C16orf96: variants seen among roughly 807,000 people sequenced by gnomAD.
The protein encoded by C16orf96 is chromosome 16 open reading frame 96, also known as uncharacterized protein C16orf96.
In C16orf96, 108 loss-of-function variants were observed where a neutral mutation model predicts 103.6. That is an observed-to-expected ratio of 1.04 (90% confidence interval 0.89 to 1.22). The LOEUF (loss-of-function observed/expected upper bound fraction) is 1.22. Among genes scored for constraint, C16orf96 ranks in the 50% most tolerant of loss-of-function variants. The pLI, the probability that C16orf96 is intolerant of heterozygous loss-of-function variation, is 0.00. For missense variants in C16orf96, 1,586 were observed against 1,464.2 expected (o/e 1.08, Z -1.36); for synonymous variants, 566 against 593.5 (o/e 0.95, Z 0.67).
the C16orf96 span, among the ~76,000 whole-genome samples, chr16:4,550,127 C>A: frequency 6.6e-6 from 1 of 151,512 alleles, no homozygotes; most frequent in African/African-American, 2.4e-5. Flanking sequence ...TCTTGTTGCC[C>A]CCGCTGGAGT....
chr16:4,538,915 A>C, the C16orf96 span: 1 of 152,300 alleles, frequency 6.6e-6, no homozygotes, highest in Non-Finnish European at 1.5e-5. Context: ...GGGGCTGAGC[A>C]CGTGGGATGG....
intron 2 of C16orf96, among the ~76,000 whole-genome samples, 197 bp from the exon 3 acceptor site, chr16:4,574,512 G>A (rs1284986102): frequency 6.6e-6 from 1 of 152,192 alleles, no homozygotes; most frequent in Non-Finnish European, 1.5e-5. Flanking sequence ...ATGAGACACT[G>A]TGCCCGGCCT....
At chr16:4,579,846 G>A (rs1004313265) in intron 6 of C16orf96, among the ~76,000 whole-genome samples, 169 bp from the exon 7 acceptor site, 1 of 152,106 alleles carries the variant, frequency 6.6e-6, no homozygotes, top group Middle Eastern at 3.4e-3. Context: ...CCTGACCTCA[G>A]TTGATCTACC....
intron 2 of C16orf96, among the ~76,000 whole-genome samples, chr16:4,573,423 A>ATT: frequency 8.0e-6 from 1 of 124,460 alleles, no homozygotes; most frequent in African/African-American, 3.1e-5. Context: ...TGGGTGACAG[A>ATT]GCAAGACTCC....
chr16:4,563,146 A>G, intron 1 of C16orf96: 1 of 775,790 alleles, frequency 1.3e-6, no homozygotes, highest in South Asian at 1.3e-5. Context: ...CACTGTCAGA[A>G]TCACTGCCAG....
At chr16:4,600,075 T>G in intron 15 of C16orf96, 25 bp from the exon 16 acceptor site, 1 of 1,545,356 alleles carries the variant, frequency 6.5e-7, no homozygotes. Context: ...GGCACACATC[T>G]AGGGTTTCTC....
chr16:4,573,212 C>T (rs564712858), intron 2 of C16orf96, among the ~76,000 whole-genome samples: 142 of 152,066 alleles, frequency 9.3e-4, no homozygotes, highest in Middle Eastern at 6.8e-3. Flanking sequence ...CCAAAGCAGG[C>T]GGATCACCTG....
chr16:4,562,680 A>C, intron 1 of C16orf96: 2 of 400,808 alleles, frequency 5.0e-6, no homozygotes, highest in Non-Finnish European at 9.0e-6. Flanking sequence ...TAAAAAAAGT[A>C]TTCATCTTAC....
Position 4,556,432 on chromosome 16 carries a change from C to G in C16orf96, c.-58C>G. ...ATGTAGCTCTCGGAACCACTGAAAGCTACCCCTTGTCCTTGAGGACACCTG... is the reference window on the plus strand; with the variant it reads ...ATGTAGCTCTCGGAACCACTGAAAGGTACCCCTTGTCCTTGAGGACACCTG... On this transcript the variant is annotated 5_prime_UTR_variant, in exon 1 of 16. Transcript: ENST00000444310. 1 of 1,460,862 alleles carries G rather than the reference C, an allele frequency of 6.8e-7. No individual in the cohort carries two copies. 90.5% of individuals were successfully genotyped at this position (1,460,862 alleles called of 1,614,324 possible). A position where few individuals can be genotyped will look rare whatever the true frequency, so the allele number is the denominator to read the frequency against.
the C16orf96 span, among the ~76,000 whole-genome samples, chr16:4,547,693 T>TTCC: frequency 1.1e-3 from 34 of 31,996 alleles, no homozygotes; most frequent in African/African-American, 3.2e-3. Context: ...TCCTTCCTTC[T>TTCC]TTCTTTCTTT....
At chr16:4,568,042 G>C (rs1369519074) in intron 1 of C16orf96, among the ~76,000 whole-genome samples, 1 of 151,800 alleles carries the variant, frequency 6.6e-6, no homozygotes, top group Non-Finnish European at 1.5e-5. Context: ...CTGTCTATGG[G>C]AGCCATTGGC....
rs56702357 is a variant in C16orf96 at position 4,584,258 on chromosome 16, G to C, written c.2353-2781G>C. Among the ~76,000 whole-genome samples, 852 of 138,326 alleles carry C rather than the reference G, an allele frequency of 6.2e-3. 14 individuals are homozygous for C. The highest frequency in any genetic ancestry group is 0.02 in the African/African-American group (816 of 40,214). The allele number at this position is 138,326 out of a possible 152,430, so 90.7% of individuals were successfully genotyped here. A position where few individuals can be genotyped will look rare whatever the true frequency, so the allele number is the denominator to read the frequency against. On this transcript the variant is annotated intron_variant, in intron 7 of 15. Transcript: ENST00000444310. ...GCTGGAGTGTAGTGGCCTAATCATG[G>C]CTCAGTGCAGCCTTGAACTCCCAGG...
chr16:4,579,370 T>C (rs1411237300), intron 6 of C16orf96, among the ~76,000 whole-genome samples: 1 of 151,812 alleles, frequency 6.6e-6, no homozygotes, highest in African/African-American at 2.4e-5. Flanking sequence ...CTGGGCAACA[T>C]AGTGAGATCC....
chr16:4,578,626 C>T (rs986905943), intron 5 of C16orf96, among the ~76,000 whole-genome samples: 15 of 151,928 alleles, frequency 9.9e-5, no homozygotes, highest in African/African-American at 2.9e-4. Context: ...GGCGTGGTGG[C>T]GTGTGCCTGT....
Position 4,576,500 on chromosome 16 carries a change from A to G in C16orf96, c.2020A>G (p.Met674Val), listed in dbSNP as rs1485781683. 3.2e-6 allele frequency: 5 copies of G among 1,551,512 alleles called. No homozygotes were observed. The highest frequency in any genetic ancestry group is 3.5e-6 in the Non-Finnish European group (4 of 1,146,998). The stretch of plus-strand genomic sequence containing the variant: ...GGCCATGGTGGCTACCAAGCAGGCC[A>G]TGAGCCCTGAAGACAAGAAGAGGGC... ...SQAMVATKQA[M>V]SPEDKKRAVK... The change falls in exon 5 of 16, where the codon ATG becomes GTG. Residue 674 changes from methionine (M) to valine (V), a missense_variant. By Grantham distance (21) the Met-to-Val change is conservative. Coordinates refer to ENST00000444310, the MANE Select transcript of C16orf96 (RefSeq NM_001145011.2).
At chr16:4,546,370 G>T in the C16orf96 span, among the ~76,000 whole-genome samples, 1 of 151,808 alleles carries the variant, frequency 6.6e-6, no homozygotes. Flanking sequence ...GTGTTAGCCA[G>T]GATGGTCTTG....
the C16orf96 span, among the ~76,000 whole-genome samples, chr16:4,550,332 A>G: frequency 6.6e-6 from 1 of 152,100 alleles, no homozygotes; most frequent in Non-Finnish European, 1.5e-5. Flanking sequence ...TGATCCGCCC[A>G]TCTCAGCCTC....
intron 1 of C16orf96, among the ~76,000 whole-genome samples, chr16:4,564,160 C>T (rs571601182): frequency 6.6e-6 from 1 of 152,104 alleles, no homozygotes; most frequent in African/African-American, 2.4e-5. Flanking sequence ...CAAAATGAAA[C>T]TCCATCTTAA....
At chr16:4,542,794 T>C in the C16orf96 span, among the ~76,000 whole-genome samples, 2 of 151,424 alleles carry the variant, frequency 1.3e-5, no homozygotes, top group Non-Finnish European at 2.9e-5. Flanking sequence ...AAACTTTGTC[T>C]CAAAAAAAAA....
Sources: gnomAD v4.1 joint callset for allele counts (sites outside exome capture counted in the v4.1 genomes callset) on GRCh38, gnomAD v4.1.1 for gene constraint, MANE v1.5 for transcripts, NCBI Gene and HGNC (gene_info 2026-07-23, HGNC 2026-07-21) for gene names.